The following PELI2 variants were observed in gnomAD, a reference collection of about 807,000 sequenced individuals.
PELI2 encodes pellino E3 ubiquitin protein ligase family member 2.
In PELI2, 23 loss-of-function variants were observed where a neutral mutation model predicts 42.3. The ratio of observed to expected loss-of-function variants is 0.54; its 90% confidence interval spans 0.39 to 0.77. The LOEUF (loss-of-function observed/expected upper bound fraction) is 0.77. PELI2 is among the 30% of genes least tolerant of loss of function. PELI2 has a pLI of 0.00. For missense variants in PELI2, 463 were observed against 553.2 expected, an observed-to-expected ratio of 0.84 and a Z score of 1.64; for synonymous variants, 245 against 212.2, an observed-to-expected ratio of 1.15 and a Z score of -1.34.
chr14:56,278,611 C>A (rs1427355840), intron 2 of PELI2, among the ~76,000 whole-genome samples: 1 of 152,126 alleles, frequency 6.6e-6, no homozygotes, highest in African/African-American at 2.4e-5. Flanking sequence ...TATTAAATAA[C>A]CATGAGATTA....
chr14:56,225,844 G>T (rs1423484951), intron 2 of PELI2, among the ~76,000 whole-genome samples: 1 of 152,128 alleles, frequency 6.6e-6, no homozygotes, highest in African/African-American at 2.4e-5. Context: ...GTGGGCAGGG[G>T]GTCCCTTGCT....
intron 2 of PELI2, among the ~76,000 whole-genome samples, chr14:56,213,672 T>G (rs1886790978): frequency 6.6e-6 from 1 of 152,034 alleles, no homozygotes; most frequent in Non-Finnish European, 1.5e-5. Flanking sequence ...AATAAGCCAG[T>G]GGTAGGGAGG....
chr14:56,233,616 A>G (rs1319403959), intron 2 of PELI2, among the ~76,000 whole-genome samples: 3 of 152,232 alleles, frequency 2.0e-5, no homozygotes, highest in African/African-American at 7.2e-5. Context: ...AAGATGGATT[A>G]AAGACTTAAA....
intron 2 of PELI2, among the ~76,000 whole-genome samples, chr14:56,242,741 G>T (rs2139797371): frequency 6.6e-6 from 1 of 152,360 alleles, no homozygotes; most frequent in Non-Finnish European, 1.5e-5. Flanking sequence ...TCTAAGTGAA[G>T]TAACTCAGGA....
At chr14:56,245,240 A>T (rs929352142) in intron 2 of PELI2, among the ~76,000 whole-genome samples, 1 of 152,226 alleles carries the variant, frequency 6.6e-6, no homozygotes, top group Non-Finnish European at 1.5e-5. Flanking sequence ...AGTTACCAAC[A>T]GTCTGTACAG....
intron 2 of PELI2, among the ~76,000 whole-genome samples, chr14:56,186,942 C>T (rs150523187): frequency 1.9e-4 from 29 of 152,256 alleles, no homozygotes; most frequent in Middle Eastern, 3.4e-3. Context: ...CAGGCACTTG[C>T]AGCCCATCTT....
intron 1 of PELI2, among the ~76,000 whole-genome samples, chr14:56,155,616 C>G (rs1255638013): frequency 6.9e-6 from 1 of 144,804 alleles, no homozygotes; most frequent in Non-Finnish European, 1.5e-5. Context: ...GAGTCTCGCT[C>G]TGTCACCCAG....
intron 1 of PELI2, among the ~76,000 whole-genome samples, chr14:56,130,510 C>T (rs1330196234): frequency 6.6e-6 from 1 of 151,962 alleles, no homozygotes; most frequent in Non-Finnish European, 1.5e-5. Flanking sequence ...TGTAAAACTT[C>T]ACTCATTCAA....
At chr14:56,130,173 G>A (rs146251826) in intron 1 of PELI2, among the ~76,000 whole-genome samples, 57 of 152,274 alleles carry the variant, frequency 3.7e-4, no homozygotes, top group African/African-American at 1.3e-3. Context: ...TGGCTCCTGA[G>A]CCCTGATGGT....
At chr14:56,235,022 G>T (rs1285087392) in intron 2 of PELI2, among the ~76,000 whole-genome samples, 1 of 152,116 alleles carries the variant, frequency 6.6e-6, no homozygotes, top group Non-Finnish European at 1.5e-5. Context: ...TTCTGAGGGT[G>T]TTACGTTTGT....
chr14:56,280,703 A>G (rs967091847), intron 3 of PELI2, among the ~76,000 whole-genome samples: 1 of 152,162 alleles, frequency 6.6e-6, no homozygotes, highest in African/African-American at 2.4e-5. Flanking sequence ...AGGAGAATTC[A>G]TATTCTTGGA....
intron 2 of PELI2, among the ~76,000 whole-genome samples, chr14:56,211,772 G>C (rs1202077894): frequency 6.6e-6 from 1 of 151,504 alleles, no homozygotes; most frequent in African/African-American, 2.4e-5. Flanking sequence ...TCCAAGTCGC[G>C]GGTGGTGTGG....
In PELI2 at chr14:56,263,138, T is replaced by A. The variant is rs751581600; in HGVS notation, c.208-16538T>A. ...TGCCTGGCTAATTTTTTTTGTACTT[T>A]ATAGTAGAGACAGGGTTTCACCATG... On this transcript the variant is annotated intron_variant, in intron 2 of 5. Coordinates refer to ENST00000267460, the MANE Select transcript of PELI2 (RefSeq NM_021255.3). Among the ~76,000 whole-genome samples, 4 of 152,032 alleles carry A rather than the reference T, an allele frequency of 2.6e-5. No homozygotes were observed. The South Asian group carries it at 8.3e-4, about 32-fold the overall frequency.
chr14:56,251,452 A>T (rs191150455), intron 2 of PELI2, among the ~76,000 whole-genome samples: 1 of 152,216 alleles, frequency 6.6e-6, no homozygotes, highest in Non-Finnish European at 1.5e-5. Context: ...CGAAGCTTAA[A>T]TGACTTAAGA....
intron 2 of PELI2, among the ~76,000 whole-genome samples, chr14:56,239,491 A>G (rs1887902760): frequency 2.0e-5 from 3 of 152,226 alleles, no homozygotes; most frequent in South Asian, 4.1e-4. Context: ...TTGTTTAAGC[A>G]TGCTCTTCTA....
chr14:56,121,836 A>G (rs766613202), intron 1 of PELI2, among the ~76,000 whole-genome samples: 10 of 152,198 alleles, frequency 6.6e-5, no homozygotes, highest in Non-Finnish European at 1.3e-4. Flanking sequence ...ATTGGCGCAA[A>G]TGTAGAAACT....
chr14:56,204,510 G>C (rs572514046), intron 2 of PELI2, among the ~76,000 whole-genome samples: 1 of 152,272 alleles, frequency 6.6e-6, no homozygotes, highest in South Asian at 2.1e-4. Context: ...CAGGGGAGAA[G>C]ATGACTGCGG....
At chr14:56,226,367 G>T (rs1293761410) in intron 2 of PELI2, among the ~76,000 whole-genome samples, 1 of 152,170 alleles carries the variant, frequency 6.6e-6, no homozygotes, top group East Asian at 1.9e-4. Context: ...CTGCTTCTTG[G>T]ATGTATTCCT....
At chr14:56,228,699 G>A (rs761982486) in intron 2 of PELI2, among the ~76,000 whole-genome samples, 9 of 152,168 alleles carry the variant, frequency 5.9e-5, no homozygotes, top group Non-Finnish European at 7.3e-5. Context: ...TGCAGAAGAC[G>A]GATGATTTCT....
Sources: gnomAD v4.1 joint callset for allele counts (sites outside exome capture counted in the v4.1 genomes callset) on GRCh38, gnomAD v4.1.1 for gene constraint, MANE v1.5 for transcripts, NCBI Gene and HGNC (gene_info 2026-07-23, HGNC 2026-07-21) for gene names.